The following HPGD variants were observed in gnomAD, a reference collection of about 807,000 sequenced individuals.
HPGD encodes 15-hydroxyprostaglandin dehydrogenase [NAD(+)].
A neutral mutation model predicts 30.0 loss-of-function variants in HPGD; 29 were observed. The ratio of observed to expected loss-of-function variants is 0.97; its 90% confidence interval spans 0.72 to 1.32. HPGD has a LOEUF of 1.32. Among genes scored for constraint, HPGD ranks in the 40% most tolerant of loss-of-function variants. HPGD has a pLI of 0.00. For synonymous variants in HPGD, 99 were observed against 112.4 expected (o/e 0.88, Z 0.75); for missense variants, 340 against 322.1 (o/e 1.06, Z -0.43).
Position 174,495,528 on chromosome 4 carries a change from G to A in HPGD, c.498+20C>T. ...TGTGTACAAAGAGAAAATGAGATAT[G>A]ACGGTTGTTGTAGCCTCACCGCTGC... On this transcript the variant is annotated intron_variant, in intron 5 of 6. Transcript: ENST00000296522. 6.4e-7 allele frequency: 1 copy of A among 1,562,288 alleles called. No individual in the cohort carries two copies. The highest frequency in any genetic ancestry group is 8.8e-7 in the Non-Finnish European group (1 of 1,132,862).
intron 2 of HPGD, among the ~76,000 whole-genome samples, chr4:174,519,177 G>A (rs572978995): frequency 4.6e-5 from 7 of 151,864 alleles, no homozygotes; most frequent in African/African-American, 1.7e-4. Flanking sequence ...CACTGTACGG[G>A]AATGGAAGAA....
intron 4 of HPGD, chr4:174,508,329 C>T: frequency 1.8e-6 from 1 of 557,192 alleles, no homozygotes; most frequent in East Asian, 2.8e-5. Flanking sequence ...ACTAAAATCA[C>T]ATGGGAGCAG....
At chr4:174,512,101 G>A (rs537992435) in intron 3 of HPGD, among the ~76,000 whole-genome samples, 21 of 152,272 alleles carry the variant, frequency 1.4e-4, no homozygotes, top group African/African-American at 4.8e-4. Context: ...GAAAAGTAAG[G>A]AGTAAATTTG....
intron 4 of HPGD, chr4:174,507,896 A>G (rs1416225509): frequency 4.1e-6 from 2 of 487,568 alleles, no homozygotes; most frequent in Non-Finnish European, 7.4e-6. Context: ...CTGCCCTCTG[A>G]AATCCATTCT....
At position 174,494,240 on chromosome 4, in the gene HPGD, A is replaced by T. The variant is rs1312860602; in HGVS notation, c.499-926T>A. Among the ~76,000 whole-genome samples, 1 of 152,196 alleles carries T rather than the reference A, an allele frequency of 6.6e-6. No individual in the cohort carries two copies. ...TCAATGTTCATACAACCTATGATAA[A>T]TAAGGTTCTTTAAACAGGAATACAC... On this transcript the variant is annotated intron_variant, in intron 5 of 6. Coordinates refer to ENST00000296522, the MANE Select transcript of HPGD (RefSeq NM_000860.6). This position sits in a 1 kb window ranked among gnomAD's most constrained non-coding sequence, Gnocchi z 4.9.
chr4:174,496,299 T>C lies in HPGD; in HGVS notation c.422-675A>G, dbSNP rs1734591965. 6.6e-6 allele frequency among the ~76,000 whole-genome samples: 1 copy of C among 152,200 alleles called. No homozygotes were observed. Among genetic ancestry groups the C allele is most frequent in the African/African-American group, 2.4e-5 (1 of 41,456 alleles). On this transcript the variant is annotated intron_variant, in intron 4 of 6. Transcript: ENST00000296522. The surrounding 1 kb of genome is among the most constrained non-coding windows in gnomAD (Gnocchi z 4.6). ...TAGTCAACTATGAAATTCAATCAAT[T>C]ACAGAATGTTTTATTTTGTAATTTT...
rs546190354 is a variant in HPGD at position 174,503,187 on chromosome 4, A to C, written c.421+5509T>G. ...CTATTTTAAGCCAAAAGAGAGCAAA[A>C]TGGACTCTGCAGAGTCCATTTGGGA... On this transcript the variant is annotated intron_variant, in intron 4 of 6. Transcript: ENST00000296522. Among the ~76,000 whole-genome samples, 135 of 152,220 alleles carry C rather than the reference A, an allele frequency of 8.9e-4. 1 individual carries two copies. The highest frequency in any genetic ancestry group is 3.1e-3 in the African/African-American group (130 of 41,544).
intron 1 of HPGD, 24 bp downstream of exon 1, chr4:174,522,335 T>G (rs1736186429): frequency 6.5e-7 from 1 of 1,548,700 alleles, no homozygotes; most frequent in African/African-American, 1.4e-5. Context: ...CAGAGAAATT[T>G]CCGCGGCTGG....
intron 4 of HPGD, chr4:174,507,930 G>A: frequency 1.8e-6 from 1 of 541,168 alleles, no homozygotes; most frequent in Non-Finnish European, 3.3e-6. Context: ...CAGCTAGACT[G>A]CATTTCCCAG....
At chr4:174,500,982 C>T (rs1734873462) in intron 4 of HPGD, among the ~76,000 whole-genome samples, 1 of 152,112 alleles carries the variant, frequency 6.6e-6, no homozygotes, top group Non-Finnish European at 1.5e-5. Flanking sequence ...GGTATAGTGT[C>T]CTAACTTGGT....
In HPGD at chr4:174,496,982, C is replaced by A. The variant is rs540531870; in HGVS notation, c.422-1358G>T. Among the ~76,000 whole-genome samples, 2 of 152,280 alleles carry A rather than the reference C, an allele frequency of 1.3e-5. No individual in the cohort carries two copies. Among genetic ancestry groups the A allele is most frequent in the South Asian group, 4.1e-4 (2 of 4,826 alleles). On this transcript the variant is annotated intron_variant, in intron 4 of 6. Coordinates refer to ENST00000296522, the MANE Select transcript of HPGD (RefSeq NM_000860.6). This position sits in a 1 kb window ranked among gnomAD's most constrained non-coding sequence, Gnocchi z 4.6. Reference sequence around the variant, plus strand: ...AAATGTGTAAGTTAATTAAGTTTGTCAGTGTCAGTCAACAAGAATTTATGA... The same window carrying A: ...AAATGTGTAAGTTAATTAAGTTTGTAAGTGTCAGTCAACAAGAATTTATGA...
intron 3 of HPGD, among the ~76,000 whole-genome samples, chr4:174,514,684 A>G (rs1397142543): frequency 1.3e-5 from 2 of 152,180 alleles, no homozygotes; most frequent in African/African-American, 4.8e-5. Flanking sequence ...GGCAAGAGAA[A>G]GGAATAAAGG....
In HPGD at chr4:174,522,054, T is replaced by A. The variant is rs1736162573; in HGVS notation, c.107A>T (p.Asp36Val). ...LLKGAKVALV[D>V]WNLEAGVQCK... The stretch of plus-strand genomic sequence containing the variant: ...CTGTACACCTGCTTCAAGATTCCAA[T>A]CCACCAGCGCTACCTATAGACAAGA... Residue 36 changes from aspartate to valine, a missense_variant, in exon 2 of 7, where the codon GAT becomes GTT. By Grantham distance (152) the Asp-to-Val change is radical. Transcript: ENST00000296522. The A allele has an allele frequency of 1.5e-5, 25 of 1,614,158 alleles. No homozygotes were observed. The highest frequency in any genetic ancestry group is 1.9e-5 in the Non-Finnish European group (22 of 1,180,016).
rs1736155390 is a variant in HPGD at position 174,521,965 on chromosome 4, C to G, written c.196G>C (p.Ala66Pro). The change falls in exon 2 of 7, where the codon GCT becomes CCT. Residue 66 changes from alanine (A) to proline (P), a missense_variant. Transcript: ENST00000296522. Reference protein sequence around the residue: ...QKTLFIQCDVADQQQLRDTFR... With the variant: ...QKTLFIQCDVPDQQQLRDTFR... ...TTACCTCTCAGTTGTTGCTGGTCAG[C>G]CACATCGCACTGGATGAACAGAGTC... The G allele has an allele frequency of 6.2e-7, 1 of 1,613,996 alleles. No individual in the cohort carries two copies. The highest frequency in any genetic ancestry group is 1.7e-5 in the Admixed American group (1 of 60,010).
chr4:174,492,139 T>C lies in HPGD; in HGVS notation c.663-45A>G, dbSNP rs747890514. The stretch of plus-strand genomic sequence containing the variant: ...TATTTTGAAACGAAAGAATGAGGCA[T>C]ATTACCACTTCATTTTAAGTTATTT... On this transcript the variant is annotated intron_variant, in intron 6 of 6. Coordinates refer to ENST00000296522, the MANE Select transcript of HPGD (RefSeq NM_000860.6). The surrounding 1 kb of genome is among the most constrained non-coding windows in gnomAD (Gnocchi z 4.9). 4.5e-6 allele frequency: 7 copies of C among 1,541,332 alleles called. No homozygotes were observed. The highest frequency in any genetic ancestry group is 2.7e-5 in the African/African-American group (2 of 73,574).
intron 3 of HPGD, among the ~76,000 whole-genome samples, chr4:174,517,634 C>A (rs1193325899): frequency 2.0e-5 from 3 of 152,086 alleles, no homozygotes; most frequent in African/African-American, 7.2e-5. Context: ...ATTTATCCAC[C>A]ATTTAGAAAT....
rs568637008 is a variant in HPGD, at chr4:174,503,314, T to C, written c.421+5382A>G. On this transcript the variant is annotated intron_variant, in intron 4 of 6. Transcript: ENST00000296522. ...GCATAGGAACAGTACATCCACTCTATGACACAGGCTAAAATGGAGCAAAAT... is the reference window on the plus strand; with the variant it reads ...GCATAGGAACAGTACATCCACTCTACGACACAGGCTAAAATGGAGCAAAAT... 1.3e-4 allele frequency among the ~76,000 whole-genome samples: 20 copies of C among 152,282 alleles called. No homozygotes were observed. In the South Asian group the frequency reaches 1.9e-3, roughly 14 times the overall value.
rs891405243 is a variant in HPGD, at chr4:174,491,851, A to G, written c.*105T>C. The G allele has an allele frequency of 1.8e-6, 2 of 1,114,660 alleles. No individual in the cohort carries two copies. The highest frequency in any genetic ancestry group is 1.4e-6 in the Non-Finnish European group (1 of 738,276). The allele number at this position is 1,114,660 out of a possible 1,614,324, so 69.0% of individuals were successfully genotyped here. ...TTTATCACCAAGTGCATGAAGGAAA[A>G]CTTCAAACTGTAACATTTCATTTAA... On this transcript the variant is annotated 3_prime_UTR_variant, in exon 7 of 7. Coordinates refer to ENST00000296522, the MANE Select transcript of HPGD (RefSeq NM_000860.6).
At chr4:174,505,820 A>G (rs1372606001) in intron 4 of HPGD, among the ~76,000 whole-genome samples, 2 of 152,188 alleles carry the variant, frequency 1.3e-5, no homozygotes, top group Non-Finnish European at 2.9e-5. Context: ...AGAGAGTAGT[A>G]AGCCAAGCAG....
Sources: allele counts gnomAD v4.1 joint callset (sites outside exome capture counted in the v4.1 genomes callset), GRCh38; gene constraint gnomAD v4.1.1; non-coding constraint Gnocchi (gnomAD v3.1); transcripts MANE v1.5; gene names NCBI Gene and HGNC (gene_info 2026-07-23, HGNC 2026-07-21).